The following ZBTB17 variants were observed in gnomAD, a reference collection of about 807,000 sequenced individuals.
The protein encoded by ZBTB17 is zinc finger and BTB domain containing 17.
A neutral mutation model predicts 85.1 loss-of-function variants in ZBTB17; 24 were observed. The ratio of observed to expected loss-of-function variants is 0.28; its 90% CI spans 0.20 to 0.40. The LOEUF (loss-of-function observed/expected upper bound fraction) is 0.40, where lower values mean the gene tolerates loss of function less well. Among genes scored for constraint, ZBTB17 ranks in the 10% least tolerant of loss-of-function variants. The pLI is 1.00. For missense variants in ZBTB17, 743 were observed against 1,105.1 expected, an observed-to-expected ratio of 0.67 and a Z score of 4.65; for synonymous variants, 464 against 460.2, an observed-to-expected ratio of 1.01 and a Z score of -0.11.
In ZBTB17 at chr1:15,964,632, G is replaced by A. The variant is rs1039705981; in HGVS notation, c.-3+8407C>T. On this transcript the variant is annotated intron_variant, in intron 2 of 15. Coordinates refer to ENST00000375743, the MANE Select transcript of ZBTB17 (RefSeq NM_003443.3). The surrounding 1 kb of genome is among the most constrained non-coding windows in gnomAD (Gnocchi z 4.3). ...CTTGGGAGGCTGAGGCGGAAGGATA[G>A]CTTAAGCCTGGGAGGTCAAGGCTGT... Among the ~76,000 whole-genome samples the A allele has an allele frequency of 1.3e-5, 2 of 152,160 alleles. No individual in the cohort carries two copies. The highest frequency in any genetic ancestry group is 4.8e-5 in the African/African-American group (2 of 41,416).
In ZBTB17 at chr1:15,944,584, C is replaced by G; in HGVS notation, c.1087G>C (p.Gly363Arg). The change falls in exon 9 of 16, where the codon GGC becomes CGC. Residue 363 changes from glycine (G) to arginine (R), a missense_variant. Around this residue, in one of 4 missense-constraint regions of ZBTB17, gnomAD observed 321 missense variants for 615.7 expected, o/e 0.52. Transcript: ENST00000375743. ...EKTHSPLKPY[G>R]CEECGKSYRL... ...TAGCTCTTCCCGCACTCCTCGCAGC[C>G]GTAGGGCTTCAGAGGGCTGCAGGGC... 1 of 1,598,982 alleles carries G rather than the reference C, an allele frequency of 6.3e-7. No individual in the cohort carries two copies. Among genetic ancestry groups the G allele is most frequent in the Non-Finnish European group, 8.5e-7 (1 of 1,179,306 alleles).
intron 3 of ZBTB17, 167 bp downstream of exon 3, chr1:15,948,124 A>C (rs2071689605): frequency 1.3e-6 from 1 of 793,520 alleles, no homozygotes; most frequent in Non-Finnish European, 2.1e-6. Context: ...CAGGCCCCCA[A>C]AAGGTGGGAG....
rs752242769 is a variant in ZBTB17, at chr1:15,944,862, G to GGGTGTGAGGAGCAGCC, written c.928-39_928-24dup. 7.6e-6 allele frequency: 12 copies of GGGTGTGAGGAGCAGCC among 1,578,090 alleles called. No individual in the cohort carries two copies. In the African/African-American group the frequency reaches 1.6e-4, roughly 21 times the overall value. ...GTCCTGTGGGTGCAGCGGGGAAGCG[G>GGGTGTGAGGAGCAGCC]GGTGTGAGGAGCAGCCGGTGGGAGG... is the stretch of plus-strand genomic sequence containing the variant. On this transcript the variant is annotated intron_variant, in intron 7 of 15. Coordinates refer to ENST00000375743, the MANE Select transcript of ZBTB17 (RefSeq NM_003443.3).
chr1:15,948,077 G>T, intron 3 of ZBTB17: 2 of 624,092 alleles, frequency 3.2e-6, no homozygotes, highest in Non-Finnish European at 5.7e-6. Context: ...AGCCCTTCCT[G>T]CCCGTTCTCC....
Position 15,952,622 on chromosome 1 carries a change from A to T in ZBTB17, c.-2-4125T>A, listed in dbSNP as rs2071903184. On this transcript the variant is annotated intron_variant, in intron 2 of 15. Coordinates refer to ENST00000375743, the MANE Select transcript of ZBTB17 (RefSeq NM_003443.3). This position sits in a 1 kb window ranked among gnomAD's most constrained non-coding sequence, Gnocchi z 4.3. ...GGGACTGTGCCAATTCCAGACCTAA[A>T]CCTAAAGAAGCCTGGAAGATTCTGC... 6.6e-6 allele frequency among the ~76,000 whole-genome samples: 1 copy of T among 152,144 alleles called. No individual in the cohort carries two copies. Among genetic ancestry groups the T allele is most frequent in the Non-Finnish European group, 1.5e-5 (1 of 68,012 alleles).
chr1:15,943,354 C>G, intron 12 of ZBTB17, 45 bp downstream of exon 12: 1 of 1,580,978 alleles, frequency 6.3e-7, no homozygotes, highest in Non-Finnish European at 8.6e-7. Context: ...TGAGCCCCCT[C>G]ACTGTGGGGT....
intron 2 of ZBTB17, among the ~76,000 whole-genome samples, chr1:15,972,831 A>G (rs2072734150): frequency 6.6e-6 from 1 of 152,242 alleles, no homozygotes; most frequent in African/African-American, 2.4e-5. Context: ...AGCATTGCCC[A>G]GTGATCATCC....
rs1172626315 is a variant in ZBTB17 at position 15,943,660 on chromosome 1, G to A, written c.1515C>T (p.Ile505=). The A allele has an allele frequency of 1.2e-6, 2 of 1,612,924 alleles. No individual in the cohort carries two copies. Among genetic ancestry groups the A allele is most frequent in the Non-Finnish European group, 1.7e-6 (2 of 1,179,876 alleles). ...IHSGEKPYVC[I]HCQRQFADPG... ...GGTCTGCAAACTGTCGCTGGCAGTG[G>A]ATGCACACGTAGGGCTTCTCCCCGC... Residue 505 remains isoleucine, a synonymous_variant, in exon 11 of 16, where the codon ATC becomes ATT. Coordinates refer to ENST00000375743, the MANE Select transcript of ZBTB17 (RefSeq NM_003443.3).
intron 2 of ZBTB17, among the ~76,000 whole-genome samples, chr1:15,963,172 TCA>T (rs1489377129): frequency 4.6e-5 from 7 of 152,174 alleles, no homozygotes; most frequent in Admixed American, 4.6e-4. Flanking sequence ...ATTAATATAT[TCA>T]CAGTTTGCTG....
Position 15,964,836 on chromosome 1 carries a change from C to A in ZBTB17, c.-3+8203G>T, listed in dbSNP as rs997388302. Reference sequence around the variant, plus strand: ...GTGTGGTATTTAAACAGAGAACAGGCCGGGCACGGTGGCTCACGCCTATAA... The same window carrying A: ...GTGTGGTATTTAAACAGAGAACAGGACGGGCACGGTGGCTCACGCCTATAA... On this transcript the variant is annotated intron_variant, in intron 2 of 15. Transcript: ENST00000375743. The surrounding 1 kb of genome is among the most constrained non-coding windows in gnomAD (Gnocchi z 4.3). Among the ~76,000 whole-genome samples the A allele has an allele frequency of 1.3e-5, 2 of 152,126 alleles. No individual in the cohort carries two copies. Among genetic ancestry groups the A allele is most frequent in the African/African-American group, 4.8e-5 (2 of 41,426 alleles).
rs1436625786 is a variant in ZBTB17 at position 15,953,169 on chromosome 1, T to TA, written c.-2-4673dup. Among the ~76,000 whole-genome samples, 2 of 151,788 alleles carry TA rather than the reference T, an allele frequency of 1.3e-5. No individual in the cohort carries two copies. Among genetic ancestry groups the TA allele is most frequent in the Admixed American group, 6.5e-5 (1 of 15,268 alleles). ...TTTACATGAAAACATTCCAATTATT[T>TA]AAAAAAATGTATTTTTTTTTTTTTG... On this transcript the variant is annotated intron_variant, in intron 2 of 15. Transcript: ENST00000375743. This position sits in a 1 kb window ranked among gnomAD's most constrained non-coding sequence, Gnocchi z 5.1.
rs1314221088 is a variant in ZBTB17, at chr1:15,944,985, G to A, written c.879C>T (p.Gly293=). 2 of 1,585,704 alleles carry A rather than the reference G, an allele frequency of 1.3e-6. No homozygotes were observed. The highest frequency in any genetic ancestry group is 2.3e-5 in the South Asian group (2 of 87,516). Residue 293 remains glycine, a synonymous_variant, in exon 7 of 16, where the codon GGC becomes GGT. Transcript: ENST00000375743. The part of the protein sequence containing the change: ...EARGLRSGTY[G]DRTESKAYGS... Reference sequence around the variant, plus strand: ...CGTAGGCCTTGGACTCCGTGCGGTCGCCGTAGGTGCCTGAGCGCAGGCCCC... The same window carrying A: ...CGTAGGCCTTGGACTCCGTGCGGTCACCGTAGGTGCCTGAGCGCAGGCCCC...
intron 3 of ZBTB17, 90 bp downstream of exon 3, chr1:15,948,201 C>A: frequency 6.7e-7 from 1 of 1,493,216 alleles, no homozygotes; most frequent in South Asian, 1.2e-5. Context: ...CCACAGCCTG[C>A]AGGTGCTGCC....
At chr1:15,968,206 T>C (rs2072514434) in intron 2 of ZBTB17, among the ~76,000 whole-genome samples, 1 of 152,214 alleles carries the variant, frequency 6.6e-6, no homozygotes, top group African/African-American at 2.4e-5. Context: ...GAGTTCACCA[T>C]GTCTATTTCC....
intron 2 of ZBTB17, among the ~76,000 whole-genome samples, chr1:15,962,503 G>T (rs2072294886): frequency 6.6e-6 from 1 of 152,076 alleles, no homozygotes; most frequent in African/African-American, 2.4e-5. Context: ...TGGGAGGGGG[G>T]ACTAATACAG....
chr1:15,972,137 T>G (rs2072711212), intron 2 of ZBTB17, among the ~76,000 whole-genome samples: 1 of 152,172 alleles, frequency 6.6e-6, no homozygotes, highest in Admixed American at 6.5e-5. Flanking sequence ...TCCAAGGTAT[T>G]TCCTGCATTG....
At chr1:15,967,604 G>GTGCA (rs1165279606) in intron 2 of ZBTB17, among the ~76,000 whole-genome samples, 1 of 151,516 alleles carries the variant, frequency 6.6e-6, no homozygotes, top group African/African-American at 2.4e-5. Flanking sequence ...TTTCTACCTT[G>GTGCA]TGCATGCATT....
In ZBTB17 at chr1:15,943,074, G is replaced by T; in HGVS notation, c.1818C>A (p.Ile606=). 1 of 1,614,136 alleles carries T rather than the reference G, an allele frequency of 6.2e-7. No homozygotes were observed. Among genetic ancestry groups the T allele is most frequent in the South Asian group, 1.1e-5 (1 of 91,072 alleles). The change falls in exon 13 of 16, where the codon ATC becomes ATA. Residue 606 remains isoleucine, a synonymous_variant. Transcript: ENST00000375743. ...GGGGCCACAGCTCACCAGTGTGAAT[G>T]ATGATGTGCTTGGACAGGTCCCCCA... is the stretch of plus-strand genomic sequence containing the variant. ...VNVGDLSKHI[I]IHTGEKPYLC...
chr1:15,946,233 C>G lies in ZBTB17; in HGVS notation c.456G>C (p.Gln152His). Residue 152 changes from glutamine (Q) to histidine (H), a missense_variant, in exon 5 of 16, where the codon CAG becomes CAC. Coordinates refer to ENST00000375743, the MANE Select transcript of ZBTB17 (RefSeq NM_003443.3). The stretch of plus-strand genomic sequence containing the variant: ...GGCCTATGGGTGTGCTGCGTCCTGC[C>G]TGCTCCAGCCTGCTCAGCGTGCTGG... ...VATSTLSRLE[Q>H]AGRSTPIGPS... is the part of the protein sequence containing the mutation. 3 of 1,613,808 alleles carry G rather than the reference C, an allele frequency of 1.9e-6. No homozygotes were observed. In the Admixed American group the frequency reaches 5.0e-5, roughly 27 times the overall value.
Sources: gnomAD v4.1 joint callset for allele counts (sites outside exome capture counted in the v4.1 genomes callset) on GRCh38, gnomAD v4.1.1 for gene constraint, gnomAD v4.1.1 regional missense constraint, Gnocchi (gnomAD v3.1) non-coding constraint, MANE v1.5 for transcripts, NCBI Gene and HGNC (gene_info 2026-07-23, HGNC 2026-07-21) for gene names.